The following DDX5 variants were observed in gnomAD, a reference collection of about 807,000 sequenced individuals.
DDX5 encodes DEAD-box helicase 5.
In DDX5, 6 loss-of-function variants were observed where a neutral mutation model predicts 68.6. That is an observed-to-expected ratio of 0.09 (90% confidence interval 0.05 to 0.17). DDX5 has a LOEUF of 0.17. Among genes scored for constraint, DDX5 ranks in the 10% least tolerant of loss-of-function variants. The probability of loss-of-function intolerance (pLI) is 1.00; values close to 1 mark genes in which losing one functional copy is unlikely to be tolerated. For synonymous variants in DDX5, 350 were observed against 247.0 expected (o/e 1.42, Z -3.91); for missense variants, 499 against 756.1 (o/e 0.66, Z 3.99).
Position 64,503,935 on chromosome 17 carries a change from C to T in DDX5, c.441+48G>A, listed in dbSNP as rs782108834. 17 of 1,613,674 alleles carry T rather than the reference C, an allele frequency of 1.1e-5. No individual in the cohort carries two copies. In the South Asian group the frequency reaches 1.8e-4, roughly 17 times the overall value. On this transcript the variant is annotated intron_variant, in intron 4 of 12. Coordinates refer to ENST00000225792, the MANE Select transcript of DDX5 (RefSeq NM_004396.5). ...AATACTCGTTTTTAAATTACCATTA[C>T]ATTTTCTTGCATATATCAGATCAAC...
Position 64,504,091 on chromosome 17 carries a change from T to C in DDX5, c.333A>G (p.Arg111=). Residue 111 remains arginine, a synonymous_variant, in exon 4 of 13, where the codon AGA becomes AGG. Transcript: ENST00000225792. ...TAGCAGTGGGTTCAGTGAAATTCTG[T>C]CTTGCAATAACATCCATGACATTTG... ...FPANVMDVIA[R]QNFTEPTAIQ... 6.2e-7 allele frequency: 1 copy of C among 1,614,162 alleles called. No individual in the cohort carries two copies. Among genetic ancestry groups the C allele is most frequent in the South Asian group, 1.1e-5 (1 of 91,086 alleles).
intron 4 of DDX5, 50 bp from the exon 5 acceptor site, chr17:64,503,918 T>C (rs2038360402): frequency 6.2e-7 from 1 of 1,613,074 alleles, no homozygotes; most frequent in Non-Finnish European, 8.5e-7. Flanking sequence ...AAAATACTCG[T>C]TTTTAAATTA....
rs183888893 is a variant in DDX5 at position 64,503,012 on chromosome 17, A to G, written c.897T>C (p.His299=). The G allele has an allele frequency of 6.8e-6, 11 of 1,614,134 alleles. No homozygotes were observed. The highest frequency in any genetic ancestry group is 5.0e-5 in the Admixed American group (3 of 60,022). Residue 299 remains histidine, a synonymous_variant, in exon 8 of 13, where the codon CAT becomes CAC. Coordinates refer to ENST00000225792, the MANE Select transcript of DDX5 (RefSeq NM_004396.5). ...LAEDFLKDYI[H]INIGALELSA... The stretch of plus-strand genomic sequence containing the variant: ...TCAGTTCAAGTGCACCAATGTTTAT[A>G]TGAATATAGTCTTTCAGGAAATCTT...
chr17:64,505,144 C>T (rs2038412320), intron 1 of DDX5: 1 of 321,948 alleles, frequency 3.1e-6, no homozygotes, highest in East Asian at 5.6e-5. Context: ...CTGGCACACA[C>T]CACTTCTTGT....
chr17:64,503,955 A>G (rs1555671601), intron 4 of DDX5, 28 bp downstream of exon 4: 12 of 1,614,098 alleles, frequency 7.4e-6, no homozygotes, highest in Non-Finnish European at 1.0e-5. Flanking sequence ...CATATATCAG[A>G]TCAACTCAAG....
rs370867048 is a variant in DDX5 at position 64,504,733 on chromosome 17, G to A, written c.154C>T (p.Pro52Ser). The A allele has an allele frequency of 1.9e-5, 30 of 1,613,954 alleles. 1 individual carries two copies. The South Asian group carries it at 3.1e-4, about 17-fold the overall frequency. Residue 52 changes from proline (P) to serine (S), a missense_variant, in exon 2 of 13, where the codon CCT becomes TCT. Coordinates refer to ENST00000225792, the MANE Select transcript of DDX5 (RefSeq NM_004396.5). ...VKKKWNLDELPKFEKNFYQEH... is the reference protein window; with the variant it reads ...VKKKWNLDELSKFEKNFYQEH... ...TGATAAAAATTCTTCTCAAATTTAG[G>A]CAGCTCATCAAGATTCCACTTCTTT... is the stretch of plus-strand genomic sequence containing the variant.
chr17:64,506,019 G>GTGCCCCCCCCCCCCCCC, intron 1 of DDX5, 57 bp downstream of exon 1: 1 of 1,360,440 alleles, frequency 7.4e-7, no homozygotes, highest in Non-Finnish European at 1.0e-6. Context: ...CCGCCACCCT[G>GTGCCCCCCCCCCCCCCC]ACCCGCCCTC....
chr17:64,504,109 G>T lies in DDX5; in HGVS notation c.315C>A (p.Val105=), dbSNP rs370151429. The T allele has an allele frequency of 2.5e-6, 4 of 1,614,016 alleles. No individual in the cohort carries two copies. The Admixed American group carries it at 5.0e-5, about 20-fold the overall frequency. ...AATTCTGTCTTGCAATAACATCCAT[G>T]ACATTTGCTATAATTAGTAACAGAT... ...NFYEANFPAN[V]MDVIARQNFT... is the part of the protein sequence containing the mutation. Residue 105 remains valine (V), a synonymous_variant, in exon 4 of 13, where the codon GTC becomes GTA. Coordinates refer to ENST00000225792, the MANE Select transcript of DDX5 (RefSeq NM_004396.5).
At position 64,505,057 on chromosome 17, in the gene DDX5, G is replaced by A. The variant is rs549784203; in HGVS notation, c.45-215C>T. The A allele has an allele frequency of 1.6e-4, 69 of 431,170 alleles. 1 individual carries two copies. Among genetic ancestry groups the A allele is most frequent in the African/African-American group, 1.3e-3 (63 of 48,988 alleles). 26.7% of individuals were successfully genotyped at this position (431,170 alleles called of 1,614,324 possible). ...ACACATTACTTAGGTCATGTAAACA[G>A]CCTGGGATTTATCATGTCGGAAGCC... On this transcript the variant is annotated intron_variant, in intron 1 of 12. Coordinates refer to ENST00000225792, the MANE Select transcript of DDX5 (RefSeq NM_004396.5).
In DDX5 at chr17:64,499,153, C is replaced by A. The variant is rs1415445449; in HGVS notation, c.*770G>T. Among the ~76,000 whole-genome samples, 1 of 152,168 alleles carries A rather than the reference C, an allele frequency of 6.6e-6. No individual in the cohort carries two copies. The highest frequency in any genetic ancestry group is 1.5e-5 in the Non-Finnish European group (1 of 68,036). On this transcript the variant is annotated 3_prime_UTR_variant, in exon 13 of 13. Transcript: ENST00000225792. ...AATGTATGTCTTTCACAGGTTTGTT[C>A]AACATTTCAGTAATTCACAGTATAG... is the stretch of plus-strand genomic sequence containing the variant.
Position 64,500,515 on chromosome 17 carries a change from G to GT in DDX5, c.1441+33dup, listed in dbSNP as rs782077038. ...GGATTTGTAGACAACGATGTGACTCGTAACTACCAACATTTCCTATCAGTC... is the reference window on the plus strand; with the variant it reads ...GGATTTGTAGACAACGATGTGACTCGTTAACTACCAACATTTCCTATCAGTC... On this transcript the variant is annotated intron_variant, in intron 12 of 12. Coordinates refer to ENST00000225792, the MANE Select transcript of DDX5 (RefSeq NM_004396.5). 2.9e-5 allele frequency: 46 copies of GT among 1,587,228 alleles called. No individual in the cohort carries two copies. In the East Asian group the frequency reaches 3.2e-4, roughly 11 times the overall value.
chr17:64,500,515 G>A (rs552460503), intron 12 of DDX5, 34 bp downstream of exon 12: 32 of 1,587,228 alleles, frequency 2.0e-5, no homozygotes, highest in Middle Eastern at 1.7e-4. Flanking sequence ...GATGTGACTC[G>A]TAACTACCAA....
chr17:64,505,834 G>A (rs1555672288), intron 1 of DDX5: 4 of 1,536,082 alleles, frequency 2.6e-6, no homozygotes, highest in Admixed American at 2.0e-5. Flanking sequence ...GCTACCAAAT[G>A]GCAGCCGCCC....
upstream of DDX5, chr17:64,506,312 C>G (rs1339530254): frequency 6.6e-7 from 1 of 1,506,156 alleles, no homozygotes; most frequent in African/African-American, 1.4e-5. Context: ...CCGGCAGCCG[C>G]TTTTATAGTC....
Position 64,506,154 on chromosome 17 carries a change from A to G in DDX5, c.-35T>C. On this transcript the variant is annotated 5_prime_UTR_variant, in exon 1 of 13. Coordinates refer to ENST00000225792, the MANE Select transcript of DDX5 (RefSeq NM_004396.5). ...GGTTGCGGTTGGCGGGGAACGAAGT[A>G]TATAGAAAAGCGTGCGACAAGTCGC... is the stretch of plus-strand genomic sequence containing the variant. 6.2e-7 allele frequency: 1 copy of G among 1,606,354 alleles called. No homozygotes were observed. Among genetic ancestry groups the G allele is most frequent in the African/African-American group, 1.3e-5 (1 of 74,976 alleles).
Position 64,502,911 on chromosome 17 carries a change from G to A in DDX5, c.983+15C>T, listed in dbSNP as rs782274395. 21 of 1,565,214 alleles carry A rather than the reference G, an allele frequency of 1.3e-5. No homozygotes were observed. Among genetic ancestry groups the A allele is most frequent in the South Asian group, 4.7e-5 (4 of 84,484 alleles). The stretch of plus-strand genomic sequence containing the variant: ...GTTGTTAGGAAGCAAATATAACAGA[G>A]TTAATAAAACTTACTTTTCATCCTT... On this transcript the variant is annotated intron_variant, in intron 8 of 12. Coordinates refer to ENST00000225792, the MANE Select transcript of DDX5 (RefSeq NM_004396.5).
chr17:64,506,498 A>C, upstream of DDX5: 1 of 880,922 alleles, frequency 1.1e-6, no homozygotes, highest in South Asian at 1.8e-5. Context: ...CTCATTCTGC[A>C]CTCTCTTGAC....
rs781941202 is a variant in DDX5, at chr17:64,502,909, G to T, written c.983+17C>A. 1.9e-6 allele frequency: 3 copies of T among 1,562,874 alleles called. No individual in the cohort carries two copies. The highest frequency in any genetic ancestry group is 2.6e-6 in the Non-Finnish European group (3 of 1,154,970). On this transcript the variant is annotated intron_variant, in intron 8 of 12. Transcript: ENST00000225792. ...AAGTTGTTAGGAAGCAAATATAACAGAGTTAATAAAACTTACTTTTCATCC... is the reference window on the plus strand; with the variant it reads ...AAGTTGTTAGGAAGCAAATATAACATAGTTAATAAAACTTACTTTTCATCC...
rs781954953 is a variant in DDX5, at chr17:64,498,712, G to C, written c.*1211C>G. Among the ~76,000 whole-genome samples the C allele has an allele frequency of 6.6e-6, 1 of 151,912 alleles. No homozygotes were observed. Among genetic ancestry groups the C allele is most frequent in the Admixed American group, 6.6e-5 (1 of 15,246 alleles). On this transcript the variant is annotated 3_prime_UTR_variant, in exon 13 of 13. Coordinates refer to ENST00000225792, the MANE Select transcript of DDX5 (RefSeq NM_004396.5). ...CCTCTCTTCTGGCAAAAAAAAACAC[G>C]TATCAGACTCTGGGAAAACATTCAG... is the stretch of plus-strand genomic sequence containing the variant.
Sources: allele counts gnomAD v4.1 joint callset (sites outside exome capture counted in the v4.1 genomes callset), GRCh38; gene constraint gnomAD v4.1.1; transcripts MANE v1.5; gene names NCBI Gene and HGNC (gene_info 2026-07-23, HGNC 2026-07-21).